Variants in DCC observed in about 807,000 individuals in gnomAD.
The protein encoded by DCC is netrin receptor DCC.
A neutral mutation model predicts 172.5 loss-of-function variants in DCC; 58 were observed. The ratio of observed to expected loss-of-function variants is 0.34; its 90% CI spans 0.27 to 0.42. The LOEUF is 0.42. Among genes scored for constraint, DCC ranks in the 10% least tolerant of loss-of-function variants. DCC has a pLI of 1.00. For synonymous variants in DCC, 709 were observed against 644.5 expected, an observed-to-expected ratio of 1.10 and a Z score of -1.52; for missense variants, 1,740 against 1,791.0, an observed-to-expected ratio of 0.97 and a Z score of 0.51.
intron 1 of DCC, among the ~76,000 whole-genome samples, chr18:52,568,551 A>G (rs943319192): frequency 2.6e-5 from 4 of 152,182 alleles, no homozygotes; most frequent in African/African-American, 9.6e-5. Flanking sequence ...AGTGCTTGCT[A>G]TTATTATTTC....
chr18:52,408,668 G>A (rs990482394), intron 1 of DCC, among the ~76,000 whole-genome samples: 5 of 152,052 alleles, frequency 3.3e-5, no homozygotes, highest in African/African-American at 1.2e-4. Flanking sequence ...AGCATCTATA[G>A]CTCCAGAAAA....
chr18:52,787,537 A>G (rs1184651185), intron 2 of DCC, among the ~76,000 whole-genome samples: 1 of 152,110 alleles, frequency 6.6e-6, no homozygotes, highest in East Asian at 1.9e-4. Flanking sequence ...GCACTGTTGG[A>G]ACATATCTTA....
chr18:53,486,872 G>T lies in DCC; in HGVS notation c.3812G>T (p.Gly1271Val). ...GGAATCCTCCCGTCTCCCACCTGTG[G>T]ATATCCCCACCCGCAGTTCACTCTC... is the stretch of plus-strand genomic sequence containing the variant. ...YPGILPSPTC[G>V]YPHPQFTLRP... The change falls in exon 26 of 29, where the codon GGA (glycine) becomes GTA (valine). Residue 1271 changes from glycine to valine, a missense_variant. Transcript: ENST00000442544. 6.2e-7 allele frequency: 1 copy of T among 1,614,106 alleles called. No individual in the cohort carries two copies. Among genetic ancestry groups the T allele is most frequent in the Non-Finnish European group, 8.5e-7 (1 of 1,180,020 alleles).
chr18:53,061,321 T>C (rs2042491730), intron 5 of DCC, among the ~76,000 whole-genome samples: 1 of 152,098 alleles, frequency 6.6e-6, no homozygotes, highest in African/African-American at 2.4e-5. Context: ...TCCTTTCTAT[T>C]CCTACTCTCT....
intron 1 of DCC, among the ~76,000 whole-genome samples, chr18:52,700,146 CCACA>C (rs920759662): frequency 2.0e-5 from 3 of 151,436 alleles, no homozygotes; most frequent in Non-Finnish European, 4.4e-5. Context: ...CTCTCTTGCC[CCACA>C]CACACACACA....
chr18:53,437,327 T>C (rs921332326), intron 22 of DCC, among the ~76,000 whole-genome samples: 6 of 152,100 alleles, frequency 3.9e-5, no homozygotes, highest in African/African-American at 1.4e-4. Flanking sequence ...ACGCCTGTAA[T>C]CCCAGCACTT....
At chr18:52,636,646 C>T (rs1267367397) in intron 1 of DCC, among the ~76,000 whole-genome samples, 2 of 152,056 alleles carry the variant, frequency 1.3e-5, no homozygotes, top group Non-Finnish European at 2.9e-5. Context: ...GTATACAACT[C>T]CCATCTCCCA....
intron 7 of DCC, among the ~76,000 whole-genome samples, chr18:53,082,123 G>T (rs2042815998): frequency 1.3e-5 from 2 of 152,064 alleles, no homozygotes; most frequent in South Asian, 4.1e-4. Context: ...TTCAATGGGG[G>T]CTTTCACTGT....
intron 1 of DCC, among the ~76,000 whole-genome samples, chr18:52,536,028 G>A (rs1205901165): frequency 1.3e-5 from 2 of 152,116 alleles, no homozygotes; most frequent in Non-Finnish European, 2.9e-5. Flanking sequence ...GTGGTGAAAG[G>A]TCATTTCAAA....
At chr18:52,756,859 AG>A (rs2037084145) in intron 2 of DCC, 1 of 152,240 alleles carries the variant, frequency 6.6e-6, no homozygotes, top group South Asian at 2.1e-4. Context: ...TGACAGCCAT[AG>A]TATAAATAGA....
At chr18:52,586,038 G>T (rs1262206577) in intron 1 of DCC, among the ~76,000 whole-genome samples, 2 of 119,162 alleles carry the variant, frequency 1.7e-5, no homozygotes, top group Non-Finnish European at 3.2e-5. Context: ...AGCCGAAATT[G>T]TGCCACTGCA....
chr18:53,221,781 TAATG>T (rs920859884), intron 12 of DCC, among the ~76,000 whole-genome samples: 11 of 152,216 alleles, frequency 7.2e-5, no homozygotes, highest in African/African-American at 2.4e-4. Flanking sequence ...ATGAAAAACT[TAATG>T]AATCAGTGGT....
chr18:53,353,468 CAGTT>C (rs1466508452), intron 15 of DCC, among the ~76,000 whole-genome samples: 8 of 152,018 alleles, frequency 5.3e-5, no homozygotes, highest in Non-Finnish European at 1.0e-4. Context: ...TCTAACTACA[CAGTT>C]AGCAATTTTG....
intron 12 of DCC, among the ~76,000 whole-genome samples, chr18:53,276,092 G>A (rs1473402041): frequency 2.0e-5 from 3 of 152,076 alleles, no homozygotes; most frequent in African/African-American, 7.2e-5. Context: ...ATTAGAATAT[G>A]TTTGCTAGGA....
At position 53,179,131 on chromosome 18, in the gene DCC, G is replaced by T. The variant is rs1235003413; in HGVS notation, c.1573+15G>T. 3.1e-6 allele frequency: 5 copies of T among 1,611,838 alleles called. No homozygotes were observed. The highest frequency in any genetic ancestry group is 1.1e-5 in the South Asian group (1 of 90,988). On this transcript the variant is annotated intron_variant, in intron 9 of 28. Coordinates refer to ENST00000442544, the MANE Select transcript of DCC (RefSeq NM_005215.4). ...ACAGCCTGAGTGTGAGTATGAAAAGGAACGGGCCACATTTAAAAAGTATTT... is the reference window on the plus strand; with the variant it reads ...ACAGCCTGAGTGTGAGTATGAAAAGTAACGGGCCACATTTAAAAAGTATTT...
intron 19 of DCC, among the ~76,000 whole-genome samples, chr18:53,407,549 AT>A (rs1255923492): frequency 6.9e-6 from 1 of 145,876 alleles, no homozygotes; most frequent in East Asian, 2.0e-4. Context: ...ATATATATAT[AT>A]ATATATTCAC....
chr18:53,307,911 A>G (rs1428301472), intron 13 of DCC, among the ~76,000 whole-genome samples: 9 of 36,030 alleles, frequency 2.5e-4, no homozygotes, highest in South Asian at 5.5e-4. Context: ...ATATATATAT[A>G]TATATATATA....
intron 8 of DCC, among the ~76,000 whole-genome samples, chr18:53,157,799 G>A (rs760373996): frequency 2.6e-5 from 4 of 152,134 alleles, no homozygotes; most frequent in Admixed American, 6.5e-5. Flanking sequence ...AACAGAATTA[G>A]GCTGTATATT....
intron 1 of DCC, among the ~76,000 whole-genome samples, chr18:52,400,171 T>C (rs986165816): frequency 6.6e-6 from 1 of 151,944 alleles, no homozygotes; most frequent in Non-Finnish European, 1.5e-5. Context: ...CTGGCACTTT[T>C]CAAGCTGAAT....
Sources: allele counts gnomAD v4.1 joint callset (sites outside exome capture counted in the v4.1 genomes callset), GRCh38; gene constraint gnomAD v4.1.1; transcripts MANE v1.5; gene names NCBI Gene and HGNC (gene_info 2026-07-23, HGNC 2026-07-21).